The following KIF26A variants were observed in gnomAD, a reference collection of about 807,000 sequenced individuals.
KIF26A encodes kinesin-like protein KIF26A.
In KIF26A, 74 loss-of-function variants were observed where a neutral mutation model predicts 126.0. The observed-to-expected ratio is 0.59, with a 90% CI of 0.49 to 0.71. The LOEUF (loss-of-function observed/expected upper bound fraction) is 0.71, where lower values mean the gene tolerates loss of function less well. Among genes scored for constraint, KIF26A ranks in the 30% least tolerant of loss-of-function variants. The pLI is 0.00. For missense variants in KIF26A, 2,984 were observed against 2,763.3 expected (o/e 1.08, Z -1.79); for synonymous variants, 1,445 against 1,232.7 (o/e 1.17, Z -3.61).
chr14:104,164,157 G>A (rs747884755), intron 4 of KIF26A, among the ~76,000 whole-genome samples: 1 of 152,196 alleles, frequency 6.6e-6, no homozygotes, highest in Non-Finnish European at 1.5e-5. Context: ...CGCAGTGGGG[G>A]CAGCGAGAGG....
In KIF26A at chr14:104,173,864, T is replaced by C. The variant is rs763708013; in HGVS notation, c.2026T>C (p.Tyr676His). Reference protein sequence around the residue: ...ALVNGAKHVPYRDHRLTMLLR... With the variant: ...ALVNGAKHVPHRDHRLTMLLR... ...GGTCAACGGAGCCAAGCATGTGCCG[T>C]ATCGGTGAGTGTAGGGCCTGGGCAG... is the stretch of plus-strand genomic sequence containing the variant. The change falls in exon 10 of 15, where the codon TAT becomes CAT. Residue 676 changes from tyrosine (Y) to histidine (H), a missense_variant. Transcript: ENST00000423312. 1.3e-6 allele frequency: 2 copies of C among 1,590,148 alleles called. No individual in the cohort carries two copies. Among genetic ancestry groups the C allele is most frequent in the East Asian group, 4.5e-5 (2 of 44,666 alleles).
chr14:104,175,750 G>T lies in KIF26A; in HGVS notation c.2962G>T (p.Val988Leu), dbSNP rs376825040. 3.2e-6 allele frequency: 5 copies of T among 1,546,156 alleles called. No individual in the cohort carries two copies. The highest frequency in any genetic ancestry group is 2.7e-5 in the African/African-American group (2 of 73,376). ...RTPPVGMSGQVAGSPMLPGAT... is the reference protein window; with the variant it reads ...RTPPVGMSGQLAGSPMLPGAT... ...CCCTCCCGTGGGCATGAGTGGGCAG[G>T]TGGCTGGGTCCCCGATGCTTCCTGG... Residue 988 changes from valine (V) to leucine (L), a missense_variant, in exon 12 of 15, where the codon GTG becomes TTG. Coordinates refer to ENST00000423312, the MANE Select transcript of KIF26A (RefSeq NM_015656.2).
Position 104,177,373 on chromosome 14 carries a change from G to A in KIF26A, c.4585G>A (p.Gly1529Ser), listed in dbSNP as rs772898308. The A allele has an allele frequency of 1.5e-5, 22 of 1,483,892 alleles. No individual in the cohort carries two copies. Among genetic ancestry groups the A allele is most frequent in the East Asian group, 4.9e-5 (2 of 40,512 alleles). 91.9% of individuals were successfully genotyped at this position (1,483,892 alleles called of 1,614,324 possible). Residue 1529 changes from glycine (G) to serine (S), a missense_variant, in exon 12 of 15, where the codon GGC becomes AGC. Coordinates refer to ENST00000423312, the MANE Select transcript of KIF26A (RefSeq NM_015656.2). ...TASVTGRSPG[G>S]PVAGPRAAPR... Reference sequence around the variant, plus strand: ...CTCTGTGACGGGCAGGAGCCCTGGCGGCCCTGTGGCCGGTCCCAGAGCAGC... The same window carrying A: ...CTCTGTGACGGGCAGGAGCCCTGGCAGCCCTGTGGCCGGTCCCAGAGCAGC...
At chr14:104,179,195 G>T in intron 13 of KIF26A, 41 bp from the exon 14 acceptor site, 1 of 1,424,224 alleles carries the variant, frequency 7.0e-7, no homozygotes, top group Admixed American at 2.8e-5. Context: ...TCTCTGGGGA[G>T]AGGGTCCCAT....
In KIF26A at chr14:104,175,647, C is replaced by T; in HGVS notation, c.2859C>T (p.Pro953=). The change falls in exon 12 of 15, where the codon CCC becomes CCT. Residue 953 remains proline, a synonymous_variant. Coordinates refer to ENST00000423312, the MANE Select transcript of KIF26A (RefSeq NM_015656.2). ...GGAGGCCACTGCCCAGCCCGGCTCC[C>T]CCACCTCCTCAGTTGCTGGAAGCCT... ...GGRRPLPSPA[P]PPPQLLEACR... 1 of 1,610,164 alleles carries T rather than the reference C, an allele frequency of 6.2e-7. No individual in the cohort carries two copies. Among genetic ancestry groups the T allele is most frequent in the Non-Finnish European group, 8.5e-7 (1 of 1,179,354 alleles).
At chr14:104,163,194 GT>G (rs2037848942) in intron 4 of KIF26A, among the ~76,000 whole-genome samples, 2 of 152,078 alleles carry the variant, frequency 1.3e-5, no homozygotes, top group South Asian at 4.1e-4. Context: ...CCTCCCACCT[GT>G]GCCCCCAAAT....
At position 104,166,847 on chromosome 14, in the gene KIF26A, T is replaced by C. The variant is rs1254742737; in HGVS notation, c.924-12T>C. On this transcript the variant is annotated splice_polypyrimidine_tract_variant and intron_variant, in intron 4 of 14. Coordinates refer to ENST00000423312, the MANE Select transcript of KIF26A (RefSeq NM_015656.2). ...ACCCACCACTGATCCTGCCTCTGCC[T>C]CTCCTCCCCAGGGCTATGCAGAAGC... The C allele has an allele frequency of 4.5e-6, 7 of 1,546,666 alleles. No homozygotes were observed. Among genetic ancestry groups the C allele is most frequent in the Middle Eastern group, 2.0e-4 (1 of 5,036 alleles).
chr14:104,158,044 T>C, intron 4 of KIF26A, 102 bp downstream of exon 4: 3 of 1,122,374 alleles, frequency 2.7e-6, no homozygotes, highest in South Asian at 2.0e-5. Context: ...ACCTCGGGCA[T>C]GCTTGCTGCT....
Position 104,180,884 on chromosome 14 carries a change from C to T in KIF26A, c.*1094C>T, listed in dbSNP as rs369921025. The T allele has an allele frequency of 1.3e-5, 2 of 152,720 alleles. No homozygotes were observed. Among genetic ancestry groups the T allele is most frequent in the Middle Eastern group, 3.7e-3 (2 of 540 alleles). The allele number at this position is 152,720 out of a possible 1,614,324, so 9.5% of individuals were successfully genotyped here. A position where few individuals can be genotyped will look rare whatever the true frequency, so the allele number is the denominator to read the frequency against. On this transcript the variant is annotated 3_prime_UTR_variant, in exon 15 of 15. Coordinates refer to ENST00000423312, the MANE Select transcript of KIF26A (RefSeq NM_015656.2). The stretch of plus-strand genomic sequence containing the variant: ...AGCTTTTATTTGTGAATTAAAGATG[C>T]ATCGATGGTTCCCACGGCTGCCGAG...
In KIF26A at chr14:104,176,354, G is replaced by T. The variant is rs1357993839; in HGVS notation, c.3566G>T (p.Gly1189Val). ...GCTGCAGTGGCCCCATCCCGACCCGGCAGGGAGCCCCAGGCCGGGCCCTCG... is the reference window on the plus strand; with the variant it reads ...GCTGCAGTGGCCCCATCCCGACCCGTCAGGGAGCCCCAGGCCGGGCCCTCG... ...EVAAVAPSRP[G>V]REPQAGPSRW... is the part of the protein sequence containing the mutation. The change falls in exon 12 of 15, where the codon GGC becomes GTC. Residue 1189 changes from glycine (G) to valine (V), a missense_variant. By Grantham distance (109) the Gly-to-Val change is moderately radical. Coordinates refer to ENST00000423312, the MANE Select transcript of KIF26A (RefSeq NM_015656.2). 1.3e-6 allele frequency: 2 copies of T among 1,582,018 alleles called. No homozygotes were observed. The highest frequency in any genetic ancestry group is 1.7e-6 in the Non-Finnish European group (2 of 1,160,836).
chr14:104,164,847 G>A (rs185580813), intron 4 of KIF26A, among the ~76,000 whole-genome samples: 2 of 152,070 alleles, frequency 1.3e-5, no homozygotes, highest in Non-Finnish European at 1.5e-5. Context: ...GAGTATGTGT[G>A]TGTGTCTCTG....
At position 104,157,884 on chromosome 14, in the gene KIF26A, A is replaced by C; in HGVS notation, c.865A>C (p.Thr289Pro). ...CTGCACGTCAGCCCTGGTCACCCCC[A>C]CCCCGGGCTCGGTGGGGGGCTCCAC... is the stretch of plus-strand genomic sequence containing the variant. ...GVCTSALVTP[T>P]PGSVGGSTGP... The change falls in exon 4 of 15, where the codon ACC becomes CCC. Residue 289 changes from threonine to proline, a missense_variant. Coordinates refer to ENST00000423312, the MANE Select transcript of KIF26A (RefSeq NM_015656.2). 1 of 1,576,466 alleles carries C rather than the reference A, an allele frequency of 6.3e-7. No individual in the cohort carries two copies. Among genetic ancestry groups the C allele is most frequent in the Non-Finnish European group, 8.6e-7 (1 of 1,158,806 alleles).
intron 4 of KIF26A, among the ~76,000 whole-genome samples, chr14:104,163,026 C>T (rs1488580879): frequency 2.0e-5 from 3 of 152,228 alleles, no homozygotes; most frequent in Non-Finnish European, 4.4e-5. Context: ...GGATGTTTTC[C>T]AAAGCGGGGC....
chr14:104,142,375 C>T (rs1023254284), intron 2 of KIF26A, among the ~76,000 whole-genome samples: 4 of 151,634 alleles, frequency 2.6e-5, no homozygotes, highest in South Asian at 2.1e-4. Flanking sequence ...CCAGGGTCCT[C>T]AGGCCTTGTC....
In KIF26A at chr14:104,176,064, G is replaced by A. The variant is rs575412933; in HGVS notation, c.3276G>A (p.Glu1092=). 187 of 1,589,680 alleles carry A rather than the reference G, an allele frequency of 1.2e-4. No individual in the cohort carries two copies. The South Asian group carries it at 1.3e-3, about 11-fold the overall frequency. The change falls in exon 12 of 15, where the codon GAG becomes GAA. Residue 1092 remains glutamate (E), a synonymous_variant. Coordinates refer to ENST00000423312, the MANE Select transcript of KIF26A (RefSeq NM_015656.2). ...ACGCCTACACCTCTCAGGCCCCTGA[G>A]GGGGGGCCCCTGGAGGGGGCAGCCT... ...EFDAYTSQAP[E]GGPLEGAAWA...
At chr14:104,169,476 G>A (rs766520946) in intron 5 of KIF26A, among the ~76,000 whole-genome samples, 2 of 152,146 alleles carry the variant, frequency 1.3e-5, no homozygotes, top group Non-Finnish European at 1.5e-5. Flanking sequence ...ACCCTGCTCC[G>A]GAGTGCTCAG....
chr14:104,140,738 G>T (rs1037586906), intron 2 of KIF26A, among the ~76,000 whole-genome samples: 103 of 152,150 alleles, frequency 6.8e-4, no homozygotes, highest in African/African-American at 2.4e-3. Flanking sequence ...CTTCAGGGGA[G>T]CCCCAGACCA....
At chr14:104,164,421 CCT>C (rs546411843) in intron 4 of KIF26A, among the ~76,000 whole-genome samples, 24 of 152,236 alleles carry the variant, frequency 1.6e-4, no homozygotes, top group African/African-American at 5.5e-4. Context: ...TTCGTTCACC[CCT>C]GTGGCGTCCT....
At chr14:104,169,928 C>T (rs181820098) in intron 5 of KIF26A, among the ~76,000 whole-genome samples, 25 of 152,306 alleles carry the variant, frequency 1.6e-4, no homozygotes, top group African/African-American at 2.6e-4. Context: ...GGTTCTCTTT[C>T]GGCAGACAAT....
Sources: gnomAD v4.1 joint callset for allele counts (sites outside exome capture counted in the v4.1 genomes callset) on GRCh38, gnomAD v4.1.1 for gene constraint, MANE v1.5 for transcripts, NCBI Gene and HGNC (gene_info 2026-07-23, HGNC 2026-07-21) for gene names.